Variants in TMC2 observed in about 807,000 individuals in gnomAD.
The protein encoded by TMC2 is transmembrane channel-like protein 2.
A neutral mutation model predicts 105.9 loss-of-function variants in TMC2; 102 were observed. The observed-to-expected ratio is 0.96, with a 90% confidence interval of 0.82 to 1.14. The LOEUF (loss-of-function observed/expected upper bound fraction) is 1.14, where lower values mean the gene tolerates loss of function less well. Ranked by LOEUF, TMC2 falls within the 50% of genes most tolerant of loss-of-function variation. TMC2 has a pLI of 0.00. For missense variants in TMC2, 1,093 were observed against 1,134.3 expected (o/e 0.96, Z 0.52); for synonymous variants, 402 against 422.8 (o/e 0.95, Z 0.60).
rs1248980957 is a variant in TMC2 at position 2,560,248 on chromosome 20, G to A, written c.401+1474G>A. ...ACTCAAAGGCAGATATCATCAATTG[G>A]GTGTGCATGAAGTATGGCAAAAAAA... is the stretch of plus-strand genomic sequence containing the variant. On this transcript the variant is annotated intron_variant, in intron 3 of 19. Transcript: ENST00000358864. Among the ~76,000 whole-genome samples the A allele has an allele frequency of 2.8e-5, 4 of 142,404 alleles. No individual in the cohort carries two copies. The Admixed American group carries it at 2.9e-4, about 10-fold the overall frequency. The allele number at this position is 142,404 out of a possible 152,430, so 93.4% of individuals were successfully genotyped here.
chr20:2,595,677 G>A (rs2086300448), intron 9 of TMC2, among the ~76,000 whole-genome samples: 1 of 152,144 alleles, frequency 6.6e-6, no homozygotes, highest in African/African-American at 2.4e-5. Flanking sequence ...GGGTCACGGA[G>A]TGGAAGGCAC....
intron 2 of TMC2, among the ~76,000 whole-genome samples, chr20:2,539,271 C>T (rs962724707): frequency 3.3e-5 from 5 of 152,130 alleles, no homozygotes; most frequent in Non-Finnish European, 5.9e-5. Context: ...AAAAAAACAG[C>T]TTATTTTCTG....
chr20:2,538,231 C>T (rs1024950104), intron 2 of TMC2, among the ~76,000 whole-genome samples: 1 of 152,122 alleles, frequency 6.6e-6, no homozygotes, highest in African/African-American at 2.4e-5. Context: ...GGGAGAGACC[C>T]AGGAGCAGGA....
At chr20:2,593,435 A>G (rs2086282982) in intron 8 of TMC2, among the ~76,000 whole-genome samples, 2 of 152,224 alleles carry the variant, frequency 1.3e-5, no homozygotes, top group African/African-American at 4.8e-5. Context: ...ATCAGTGAAT[A>G]TCTGGACTGA....
chr20:2,615,690 T>G (rs555362652), intron 14 of TMC2, among the ~76,000 whole-genome samples: 1 of 152,296 alleles, frequency 6.6e-6, no homozygotes, highest in South Asian at 2.1e-4. Context: ...ATGATTTGGT[T>G]TTTGTTTGTT....
chr20:2,545,692 AAGGAAGAAGAAAGAAG>A (rs2085918212), intron 2 of TMC2, among the ~76,000 whole-genome samples: 1 of 66,246 alleles, frequency 1.5e-5, no homozygotes, highest in Admixed American at 2.1e-4. Flanking sequence ...AAGAAAGAAG[AAGGAAGAAGAAAGAAG>A]AAGGAAGAAG....
chr20:2,602,186 C>G lies in TMC2; in HGVS notation c.1298C>G (p.Ala433Gly). 1.2e-6 allele frequency: 2 copies of G among 1,613,248 alleles called. No homozygotes were observed. The highest frequency in any genetic ancestry group is 1.7e-6 in the Non-Finnish European group (2 of 1,179,624). ...IHLTRFLRVL[A>G]NFLIICCLCG... Reference sequence around the variant, plus strand: ...CTGACAAGATTTCTTCGTGTCCTGGCCAACTTTCTCATCATCTGCTGTTTG... The same window carrying G: ...CTGACAAGATTTCTTCGTGTCCTGGGCAACTTTCTCATCATCTGCTGTTTG... The change falls in exon 11 of 20, where the codon GCC becomes GGC. Residue 433 changes from alanine to glycine, a missense_variant. Transcript: ENST00000358864.
chr20:2,629,088 T>A (rs983928091), intron 17 of TMC2, among the ~76,000 whole-genome samples: 2 of 151,902 alleles, frequency 1.3e-5, no homozygotes, highest in African/African-American at 2.4e-5. Flanking sequence ...GGCGACAGAG[T>A]GAGACTCCAT....
intron 2 of TMC2, among the ~76,000 whole-genome samples, chr20:2,553,021 C>T (rs529447858): frequency 5.5e-4 from 84 of 152,178 alleles, no homozygotes; most frequent in Non-Finnish European, 9.7e-4. Context: ...AGATTTTCTA[C>T]ATAGACAATT....
intron 16 of TMC2, among the ~76,000 whole-genome samples, chr20:2,621,398 A>T (rs2086524214): frequency 6.8e-6 from 1 of 146,752 alleles, no homozygotes; most frequent in Non-Finnish European, 1.5e-5. Context: ...AAGGAGAGGG[A>T]GGGAGATTTG....
rs543191911 is a variant in TMC2, at chr20:2,543,684, T to C, written c.82+6368T>C. On this transcript the variant is annotated intron_variant, in intron 2 of 19. Transcript: ENST00000358864. ...TCATCTTAATACAGACACTAAGGTA[T>C]AGCTGGGCTCTCTGTGTCCAGACTC... 2.2e-4 allele frequency among the ~76,000 whole-genome samples: 34 copies of C among 152,278 alleles called. 2 individuals carry two copies. In the South Asian group the frequency reaches 7.0e-3, roughly 32 times the overall value.
In TMC2 at chr20:2,637,588, G is replaced by A; in HGVS notation, c.2500G>A (p.Glu834Lys). The A allele has an allele frequency of 6.2e-7, 1 of 1,605,084 alleles. No homozygotes were observed. Among genetic ancestry groups the A allele is most frequent in the South Asian group, 1.1e-5 (1 of 90,862 alleles). Reference protein sequence around the residue: ...KNATQLQLTKEETTPPSASQS... With the variant: ...KNATQLQLTKKETTPPSASQS... ...TGCCACCCAGCTCCAACTCACCAAG[G>A]AAGGTAAGCTCTTTGTCATAATGAT... The change falls in exon 19 of 20, where the codon GAA becomes AAA. Residue 834 changes from glutamate to lysine, a missense_variant. Transcript: ENST00000358864.
intron 2 of TMC2, among the ~76,000 whole-genome samples, chr20:2,546,472 T>C (rs1473201613): frequency 1.9e-5 from 1 of 53,596 alleles, no homozygotes; most frequent in Non-Finnish European, 4.0e-5. Context: ...TATAGAGTAG[T>C]AACCTGCAGA....
At chr20:2,541,597 C>T (rs2085890035) in intron 2 of TMC2, among the ~76,000 whole-genome samples, 1 of 149,744 alleles carries the variant, frequency 6.7e-6, no homozygotes, top group African/African-American at 2.5e-5. Context: ...GCCCAGATTG[C>T]ACCACTGCCC....
At chr20:2,572,038 T>C in intron 4 of TMC2, 141 bp from the exon 5 acceptor site, 1 of 665,316 alleles carries the variant, frequency 1.5e-6, no homozygotes, top group Non-Finnish European at 2.6e-6. Context: ...AGACAGAATG[T>C]CGTGCCTTCA....
chr20:2,566,949 G>T (rs982041132), intron 4 of TMC2, among the ~76,000 whole-genome samples: 13 of 152,210 alleles, frequency 8.5e-5, no homozygotes, highest in Non-Finnish European at 1.6e-4. Context: ...CTGTTCTCCA[G>T]CCAAATACCA....
intron 4 of TMC2, among the ~76,000 whole-genome samples, chr20:2,569,937 T>C (rs992733958): frequency 3.3e-5 from 5 of 152,160 alleles, no homozygotes; most frequent in African/African-American, 1.2e-4. Context: ...TAATATTCCT[T>C]CATGATAAAA....
At position 2,624,914 on chromosome 20, in the gene TMC2, G is replaced by A. The variant is rs371725905; in HGVS notation, c.2306+518G>A. On this transcript the variant is annotated intron_variant, in intron 17 of 19. Coordinates refer to ENST00000358864, the MANE Select transcript of TMC2 (RefSeq NM_080751.3). ...CTATCAGGAAGCTGAACGGTGATTCGGCCTGATCCTGGCTGGGCCCACAGC... is the reference window on the plus strand; with the variant it reads ...CTATCAGGAAGCTGAACGGTGATTCAGCCTGATCCTGGCTGGGCCCACAGC... Among the ~76,000 whole-genome samples, 289 of 152,252 alleles carry A rather than the reference G, an allele frequency of 1.9e-3. 4 individuals are homozygous for A. In the South Asian group the frequency reaches 0.029, roughly 16 times the overall value.
chr20:2,596,429 C>T (rs1362411729), intron 9 of TMC2, among the ~76,000 whole-genome samples: 2 of 151,994 alleles, frequency 1.3e-5, no homozygotes, highest in Non-Finnish European at 2.9e-5. Context: ...GTCAGGAGTT[C>T]GAGACCAGCC....
Sources: allele counts gnomAD v4.1 joint callset (sites outside exome capture counted in the v4.1 genomes callset), GRCh38; gene constraint gnomAD v4.1.1; transcripts MANE v1.5; gene names NCBI Gene and HGNC (gene_info 2026-07-23, HGNC 2026-07-21).